RAB33B: variants seen among roughly 807,000 people sequenced by gnomAD.
The protein encoded by RAB33B is ras-related protein Rab-33B.
RAB33B carries 6 observed loss-of-function variants against 15.0 expected under a neutral mutation model. That is an observed-to-expected ratio of 0.40 (90% CI 0.22 to 0.79). The LOEUF is 0.79. RAB33B is among the 30% of genes least tolerant of loss of function. The pLI is 0.37. For synonymous variants in RAB33B, 117 were observed against 108.3 expected (o/e 1.08, Z -0.50); for missense variants, 257 against 296.4 (o/e 0.87, Z 0.98).
At chr4:139,459,545 C>T (rs1750130137) in intron 1 of RAB33B, among the ~76,000 whole-genome samples, 2 of 152,236 alleles carry the variant, frequency 1.3e-5, no homozygotes, top group Admixed American at 1.3e-4. Flanking sequence ...GCATACATAC[C>T]TGTCTTACCT....
chr4:139,443,516 A>C, the RAB33B span, among the ~76,000 whole-genome samples: 2 of 152,210 alleles, frequency 1.3e-5, no homozygotes, highest in African/African-American at 4.8e-5. Context: ...CTGAGCCTCA[A>C]ATCTAAGACT....
chr4:139,441,406 A>G, the RAB33B span, among the ~76,000 whole-genome samples: 1 of 152,202 alleles, frequency 6.6e-6, no homozygotes, highest in Non-Finnish European at 1.5e-5. Flanking sequence ...GCATTAGCAT[A>G]TATATTTTGC....
In RAB33B at chr4:139,458,360, G is replaced by T. The variant is rs796271550; in HGVS notation, c.249+3916G>T. Reference sequence around the variant, plus strand: ...TTGTATAGTTAAACATGTCACAGGGGTTTGGTGTACAGATTATTTTGTCAC... The same window carrying T: ...TTGTATAGTTAAACATGTCACAGGGTTTTGGTGTACAGATTATTTTGTCAC... On this transcript the variant is annotated intron_variant, in intron 1 of 1. Coordinates refer to ENST00000305626, the MANE Select transcript of RAB33B (RefSeq NM_031296.3). 1.1e-4 allele frequency among the ~76,000 whole-genome samples: 16 copies of T among 152,262 alleles called. No homozygotes were observed. In the South Asian group the frequency reaches 2.5e-3, roughly 24 times the overall value.
chr4:139,450,651 A>C (rs981821508), upstream of RAB33B: 2 of 152,260 alleles, frequency 1.3e-5, no homozygotes, highest in African/African-American at 4.8e-5. Context: ...ACAAAGAATT[A>C]TCTGACTTAA....
the RAB33B span, among the ~76,000 whole-genome samples, chr4:139,443,843 A>G: frequency 2.0e-5 from 3 of 152,286 alleles, no homozygotes; most frequent in East Asian, 1.9e-4. Flanking sequence ...GTCGGAGGAG[A>G]TAAACCCTAC....
upstream of RAB33B, chr4:139,452,510 T>A (rs1279368966): frequency 6.6e-6 from 1 of 152,216 alleles, no homozygotes; most frequent in Admixed American, 6.5e-5. Flanking sequence ...TTGAATGGGA[T>A]AGGTAGAGCA....
intron 1 of RAB33B, among the ~76,000 whole-genome samples, chr4:139,466,826 C>T (rs189636827): frequency 0.011 from 1,596 of 151,662 alleles, 34 homozygotes; most frequent in African/African-American, 0.036. Context: ...ATAATCTGCC[C>T]ACCTCGGCCT....
Position 139,454,523 on chromosome 4 carries a change from G to A in RAB33B, c.249+79G>A, listed in dbSNP as rs1047651350. ...ACCGTGGGCTGGTCGCTGGCCGTGT[G>A]CACGGTGTGTGTGCGCTCCATTTTT... On this transcript the variant is annotated intron_variant, in intron 1 of 1. Transcript: ENST00000305626. The A allele has an allele frequency of 3.3e-6, 5 of 1,501,632 alleles. No individual in the cohort carries two copies. The African/African-American group carries it at 5.5e-5, about 16-fold the overall frequency. The allele number at this position is 1,501,632 out of a possible 1,614,324, so 93.0% of individuals were successfully genotyped here. A position where few individuals can be genotyped will look rare whatever the true frequency, so the allele number is the denominator to read the frequency against.
chr4:139,456,581 AAGG>A (rs1299958476), intron 1 of RAB33B, among the ~76,000 whole-genome samples: 1 of 152,236 alleles, frequency 6.6e-6, no homozygotes, highest in African/African-American at 2.4e-5. Context: ...TGGGAAGAGC[AAGG>A]AGATGATATT....
At chr4:139,469,886 A>G (rs147694957) in intron 1 of RAB33B, among the ~76,000 whole-genome samples, 1 of 152,304 alleles carries the variant, frequency 6.6e-6, no homozygotes, top group Non-Finnish European at 1.5e-5. Flanking sequence ...GAGCAACCTA[A>G]TACTGAGAGT....
At chr4:139,442,173 T>A in the RAB33B span, among the ~76,000 whole-genome samples, 1 of 152,188 alleles carries the variant, frequency 6.6e-6, no homozygotes. Flanking sequence ...AACTTAAAAT[T>A]GAGATTTTTT....
At chr4:139,465,783 G>A (rs1388861240) in intron 1 of RAB33B, among the ~76,000 whole-genome samples, 3 of 148,724 alleles carry the variant, frequency 2.0e-5, no homozygotes, top group African/African-American at 7.4e-5. Flanking sequence ...AGGCTGGAGT[G>A]CAGTGGCACG....
intron 1 of RAB33B, among the ~76,000 whole-genome samples, chr4:139,455,732 A>G (rs2111069397): frequency 6.6e-6 from 1 of 152,356 alleles, no homozygotes; most frequent in South Asian, 2.1e-4. Context: ...CACCAGAATT[A>G]GGTTTGGCCC....
At chr4:139,443,742 T>G in the RAB33B span, among the ~76,000 whole-genome samples, 1 of 152,140 alleles carries the variant, frequency 6.6e-6, no homozygotes, top group Non-Finnish European at 1.5e-5. Flanking sequence ...ATGAACTTTT[T>G]TTGCCAAAAG....
rs1295666943 is a variant in RAB33B, at chr4:139,454,188, T to G, written c.-8T>G. The stretch of plus-strand genomic sequence containing the variant: ...TTCCTCCGCCTCAGTTTGGGGCGGG[T>G]CGGGGGAATGGCTGAGGAGATGGAG... On this transcript the variant is annotated 5_prime_UTR_variant, in exon 1 of 2. Coordinates refer to ENST00000305626, the MANE Select transcript of RAB33B (RefSeq NM_031296.3). The G allele has an allele frequency of 2.5e-6, 4 of 1,605,292 alleles. No individual in the cohort carries two copies. Among genetic ancestry groups the G allele is most frequent in the Non-Finnish European group, 3.4e-6 (4 of 1,174,788 alleles).
the RAB33B span, among the ~76,000 whole-genome samples, chr4:139,444,809 AC>A: frequency 6.6e-6 from 1 of 152,178 alleles, no homozygotes; most frequent in African/African-American, 2.4e-5. Flanking sequence ...AGCTGGCAGA[AC>A]CCCCACATTG....
rs893119253 is a variant in RAB33B at position 139,473,362 on chromosome 4, C to G, written c.*236C>G. On this transcript the variant is annotated 3_prime_UTR_variant, in exon 2 of 2. Transcript: ENST00000305626. ...GCAAAGATAGGATGAATCTGAACAT[C>G]TCTCCATCTAGAGCCCAATGAAGGA... The G allele has an allele frequency of 2.0e-5, 10 of 502,420 alleles. No individual in the cohort carries two copies. Among genetic ancestry groups the G allele is most frequent in the Non-Finnish European group, 3.2e-5 (9 of 285,192 alleles). 31.1% of individuals were successfully genotyped at this position (502,420 alleles called of 1,614,324 possible).
intron 1 of RAB33B, among the ~76,000 whole-genome samples, chr4:139,463,583 A>G (rs952400508): frequency 5.3e-5 from 8 of 152,230 alleles, no homozygotes; most frequent in African/African-American, 1.9e-4. Flanking sequence ...TACCAGATGA[A>G]AGCGTCTCAC....
intron 1 of RAB33B, among the ~76,000 whole-genome samples, chr4:139,459,695 A>G (rs1206157650): frequency 2.7e-5 from 4 of 148,848 alleles, no homozygotes; most frequent in Non-Finnish European, 5.9e-5. Flanking sequence ...GTGCAGTGGC[A>G]TGGTCTCAGC....
Sources: gnomAD v4.1 joint callset for allele counts (sites outside exome capture counted in the v4.1 genomes callset) on GRCh38, gnomAD v4.1.1 for gene constraint, MANE v1.5 for transcripts, NCBI Gene and HGNC (gene_info 2026-07-23, HGNC 2026-07-21) for gene names.